Variants in KCNT1 observed in about 807,000 individuals in gnomAD.
The protein encoded by KCNT1 is potassium sodium-activated channel subfamily T member 1, also known as potassium channel subfamily T member 1.
In KCNT1, 78 loss-of-function variants were observed where a neutral mutation model predicts 147.8. The observed-to-expected ratio is 0.53, with a 90% CI of 0.44 to 0.64. The LOEUF is 0.64. KCNT1 is among the 30% of genes least tolerant of loss of function. The pLI is 0.00. For missense variants in KCNT1, 1,419 were observed against 1,750.3 expected, an observed-to-expected ratio of 0.81 and a Z score of 3.38; for synonymous variants, 867 against 748.8, an observed-to-expected ratio of 1.16 and a Z score of -2.58.
intron 2 of KCNT1, among the ~76,000 whole-genome samples, chr9:135,716,689 G>A (rs932604083): frequency 2.0e-5 from 3 of 152,180 alleles, no homozygotes; most frequent in Non-Finnish European, 4.4e-5. Context: ...GTTGTGTGCC[G>A]ATGGTATTAG....
At position 135,759,879 on chromosome 9, in the gene KCNT1, G is replaced by A. The variant is rs1284520180; in HGVS notation, c.1035+20G>A. The A allele has an allele frequency of 2.5e-6, 4 of 1,574,286 alleles. No homozygotes were observed. Among genetic ancestry groups the A allele is most frequent in the South Asian group, 2.3e-5 (2 of 85,690 alleles). ...CTGCAGGTGGGTCCTCTGGGCACCA[G>A]CCCTGGGTGGCACCAGCAAAGGGAC... On this transcript the variant is annotated intron_variant, in intron 11 of 30. Transcript: ENST00000371757.
chr9:135,720,096 A>G (rs1211827302), intron 2 of KCNT1, among the ~76,000 whole-genome samples: 1 of 152,052 alleles, frequency 6.6e-6, no homozygotes, highest in Non-Finnish European at 1.5e-5. Flanking sequence ...GCAACTGTGG[A>G]TGGGCCAGGC....
intron 6 of KCNT1, 123 bp downstream of exon 6, chr9:135,755,292 G>A (rs1831410993): frequency 1.4e-6 from 1 of 725,966 alleles, no homozygotes; most frequent in East Asian, 3.0e-5. Flanking sequence ...CCCAGTCTCA[G>A]TAAATGCTAA....
intron 2 of KCNT1, among the ~76,000 whole-genome samples, chr9:135,741,178 G>A (rs1176762455): frequency 6.6e-6 from 1 of 152,222 alleles, no homozygotes. Flanking sequence ...TCAACACTCA[G>A]ACAACAGGGC....
At chr9:135,732,343 A>C (rs551966428) in intron 2 of KCNT1, among the ~76,000 whole-genome samples, 70 of 152,158 alleles carry the variant, frequency 4.6e-4, no homozygotes, top group African/African-American at 1.6e-3. Flanking sequence ...AATACCAAAA[A>C]CTAGTTGAGG....
chr9:135,769,447 A>G (rs1045852357), intron 15 of KCNT1, among the ~76,000 whole-genome samples: 1 of 152,190 alleles, frequency 6.6e-6, no homozygotes, highest in Non-Finnish European at 1.5e-5. Context: ...GCAGACCCCC[A>G]TCCTCACCGC....
In KCNT1 at chr9:135,793,456, C is replaced by T. The variant is rs558227365; in HGVS notation, c.*1295C>T. 1 of 152,332 alleles carries T rather than the reference C, an allele frequency of 6.6e-6. No individual in the cohort carries two copies. The highest frequency in any genetic ancestry group is 2.1e-4 in the South Asian group (1 of 4,820). 9.4% of individuals were successfully genotyped at this position (152,332 alleles called of 1,614,324 possible). A position where few individuals can be genotyped will look rare whatever the true frequency, so the allele number is the denominator to read the frequency against. ...TGTCCCTGGGGTGGGCACAGAGACCCCAGGCTCTGCCCGCAGTGGCACAGA... is the reference window on the plus strand; with the variant it reads ...TGTCCCTGGGGTGGGCACAGAGACCTCAGGCTCTGCCCGCAGTGGCACAGA... On this transcript the variant is annotated 3_prime_UTR_variant, in exon 31 of 31. Transcript: ENST00000371757.
chr9:135,780,805 C>T lies in KCNT1; in HGVS notation c.2841+1335C>T, dbSNP rs543467140. On this transcript the variant is annotated intron_variant, in intron 24 of 30. Coordinates refer to ENST00000371757, the MANE Select transcript of KCNT1 (RefSeq NM_020822.3). ...GAGGAAGTTCACAGGATTCTGTGTT[C>T]GGGTGCCGGGCCGCTCCCCAGGGCT... Among the ~76,000 whole-genome samples the T allele has an allele frequency of 9.2e-5, 14 of 152,340 alleles. No individual in the cohort carries two copies. The South Asian group carries it at 1.4e-3, about 16-fold the overall frequency.
intron 24 of KCNT1, among the ~76,000 whole-genome samples, chr9:135,780,705 C>T (rs537125295): frequency 2.6e-5 from 4 of 152,210 alleles, no homozygotes; most frequent in Admixed American, 6.5e-5. Context: ...CCCTGCCCAG[C>T]GTCGGGAGCT....
chr9:135,742,700 T>C (rs2131386090), intron 2 of KCNT1: 2 of 716,452 alleles, frequency 2.8e-6, no homozygotes, highest in East Asian at 2.7e-5. Flanking sequence ...TCCGTCCGTC[T>C]ATCTGTCTGC....
chr9:135,711,901 C>T (rs1365893417), intron 1 of KCNT1, among the ~76,000 whole-genome samples: 1 of 152,258 alleles, frequency 6.6e-6, no homozygotes, highest in East Asian at 1.9e-4. Context: ...CCGCGTGCCT[C>T]AGGCATGCTG....
At chr9:135,785,446 C>T in intron 28 of KCNT1, 116 bp downstream of exon 28, 1 of 1,346,052 alleles carries the variant, frequency 7.4e-7, no homozygotes, top group Non-Finnish European at 1.0e-6. Flanking sequence ...CCTGGGAAAG[C>T]CGAGGCAGGA....
Position 135,730,437 on chromosome 9 carries a change from G to A in KCNT1, c.254+15717G>A, listed in dbSNP as rs995286098. Among the ~76,000 whole-genome samples the A allele has an allele frequency of 1.3e-5, 2 of 152,196 alleles. No individual in the cohort carries two copies. The highest frequency in any genetic ancestry group is 4.8e-5 in the African/African-American group (2 of 41,448). On this transcript the variant is annotated intron_variant, in intron 2 of 30. Coordinates refer to ENST00000371757, the MANE Select transcript of KCNT1 (RefSeq NM_020822.3). This position sits in a 1 kb window ranked among gnomAD's most constrained non-coding sequence, Gnocchi z 4.7. The stretch of plus-strand genomic sequence containing the variant: ...AGGGCCTTGAAGATGGGAAATTATC[G>A]TGGATGATCTGGGTGAGCCAAGATC...
rs922840311 is a variant in KCNT1, at chr9:135,772,781, G to A, written c.2075G>A (p.Gly692Asp). ...ACGCAGAGCGGCGGTGGGGGCGGGG[G>A]CAGCAAGCTGGCACTGCCCACGGAG... ...RPTQSGGGGG[G>D]SKLALPTENG... Residue 692 changes from glycine to aspartate, a missense_variant, in exon 19 of 31, where the codon GGC becomes GAC. Gly to Asp is a moderately conservative substitution (Grantham distance 94). Coordinates refer to ENST00000371757, the MANE Select transcript of KCNT1 (RefSeq NM_020822.3). 7 of 1,489,982 alleles carry A rather than the reference G, an allele frequency of 4.7e-6. No individual in the cohort carries two copies. Among genetic ancestry groups the A allele is most frequent in the East Asian group, 2.5e-5 (1 of 39,276 alleles). 92.3% of individuals were successfully genotyped at this position (1,489,982 alleles called of 1,614,324 possible).
chr9:135,792,175 G>A lies in KCNT1; in HGVS notation c.*14G>A, dbSNP rs772536821. ...ACACAGCTCTGAGCCAGCCCTGCACGGAGCTCAGGCCACCAAGCCCGGGGT... is the reference window on the plus strand; with the variant it reads ...ACACAGCTCTGAGCCAGCCCTGCACAGAGCTCAGGCCACCAAGCCCGGGGT... On this transcript the variant is annotated 3_prime_UTR_variant, in exon 31 of 31. Coordinates refer to ENST00000371757, the MANE Select transcript of KCNT1 (RefSeq NM_020822.3). The A allele has an allele frequency of 2.7e-5, 43 of 1,600,786 alleles. No homozygotes were observed. The highest frequency in any genetic ancestry group is 5.5e-5 in the South Asian group (5 of 90,518).
chr9:135,757,244 A>G lies in KCNT1; in HGVS notation c.675+14A>G. On this transcript the variant is annotated intron_variant, in intron 8 of 30. Coordinates refer to ENST00000371757, the MANE Select transcript of KCNT1 (RefSeq NM_020822.3). ...TTCATCATCACGGTGGGTGAGCCCC[A>G]GCTGCCAGGAGTGCGGGCCCTGGAG... 6.2e-7 allele frequency: 1 copy of G among 1,611,936 alleles called. No homozygotes were observed. Among genetic ancestry groups the G allele is most frequent in the Non-Finnish European group, 8.5e-7 (1 of 1,179,624 alleles).
chr9:135,725,773 CAG>C (rs1221870487), intron 2 of KCNT1, among the ~76,000 whole-genome samples: 3 of 152,234 alleles, frequency 2.0e-5, no homozygotes, highest in African/African-American at 7.2e-5. Context: ...TCCAGGCGGA[CAG>C]AGTCTGTTTC....
chr9:135,758,368 G>C (rs753479701), intron 9 of KCNT1, 46 bp from the exon 10 acceptor site: 3 of 1,396,830 alleles, frequency 2.1e-6, no homozygotes, highest in Middle Eastern at 1.7e-4. Flanking sequence ...GGCTCCTGGC[G>C]GGGTCCACAG....
At position 135,714,612 on chromosome 9, in the gene KCNT1, C is replaced by G. The variant is rs200137341; in HGVS notation, c.146C>G (p.Thr49Ser). Residue 49 changes from threonine (T) to serine (S), a missense_variant, in exon 2 of 31, where the codon ACC (threonine) becomes AGC (serine). By Grantham distance (58) the Thr-to-Ser change is moderately conservative (BLOSUM62 1). This residue lies in a region of KCNT1 where 181 missense variants were observed against 155.7 expected (regional missense o/e 1.16). Coordinates refer to ENST00000371757, the MANE Select transcript of KCNT1 (RefSeq NM_020822.3). This position sits in a 1 kb window ranked among gnomAD's most constrained non-coding sequence, Gnocchi z 6.2. ...PCAGDGALLD[T>S]AGFKMSDLDS... ...GCGGGGGACGGCGCGCTCCTGGACA[C>G]CGCCGGCTTCAAGATGAGCGACCTG... 5.8e-5 allele frequency: 84 copies of G among 1,447,724 alleles called. No homozygotes were observed. The highest frequency in any genetic ancestry group is 2.2e-4 in the Middle Eastern group (1 of 4,556). 89.7% of individuals were successfully genotyped at this position (1,447,724 alleles called of 1,614,324 possible).
Sources: gnomAD v4.1 joint callset for allele counts (sites outside exome capture counted in the v4.1 genomes callset) on GRCh38, gnomAD v4.1.1 for gene constraint, gnomAD v4.1.1 regional missense constraint, Gnocchi (gnomAD v3.1) non-coding constraint, MANE v1.5 for transcripts, NCBI Gene and HGNC (gene_info 2026-07-23, HGNC 2026-07-21) for gene names.